EPG5: variants seen among roughly 807,000 people sequenced by gnomAD.
The protein encoded by EPG5 is ectopic P granules protein 5 homolog.
Under a neutral mutation model 302.7 loss-of-function variants are expected in EPG5, and 159 were observed. The observed-to-expected ratio is 0.53, with a 90% confidence interval of 0.46 to 0.60. The LOEUF is 0.60. EPG5 is among the 20% of genes least tolerant of loss of function. The probability of loss-of-function intolerance (pLI) is 0.00; values close to 1 mark genes in which losing one functional copy is unlikely to be tolerated. For synonymous variants in EPG5, 1,158 were observed against 1,136.8 expected, an observed-to-expected ratio of 1.02 and a Z score of -0.37; for missense variants, 2,896 against 3,092.4, an observed-to-expected ratio of 0.94 and a Z score of 1.51.
the EPG5 span, among the ~76,000 whole-genome samples, chr18:45,808,211 C>T: frequency 6.6e-6 from 1 of 152,112 alleles, no homozygotes; most frequent in Non-Finnish European, 1.5e-5. Context: ...TGAACAAAGC[C>T]TCCAAGCAGT....
At position 45,870,723 on chromosome 18, in the gene EPG5, A is replaced by G. The variant is rs372121696; in HGVS notation, c.6069T>C (p.Asp2023=). 32 of 1,609,336 alleles carry G rather than the reference A, an allele frequency of 2.0e-5. No individual in the cohort carries two copies. The African/African-American group carries it at 4.2e-4, about 21-fold the overall frequency. ...ESFKDKLLPG[D]AGALWLHLMH... Reference sequence around the variant, plus strand: ...TCAGGTGCAACCAAAGGGCTCCTGCATCACCTGGCAACAGCTTATCTAGAA... The same window carrying G: ...TCAGGTGCAACCAAAGGGCTCCTGCGTCACCTGGCAACAGCTTATCTAGAA... Residue 2023 remains aspartate, a synonymous_variant, in exon 36 of 44, where the codon GAT becomes GAC. Transcript: ENST00000282041.
chr18:45,933,749 T>C (rs981862942), intron 11 of EPG5, among the ~76,000 whole-genome samples: 6 of 152,092 alleles, frequency 3.9e-5, no homozygotes, highest in Non-Finnish European at 8.8e-5. Context: ...AGAGGCCCAA[T>C]AATTTTTAAA....
the EPG5 span, among the ~76,000 whole-genome samples, chr18:45,806,570 AC>A: frequency 1.5e-4 from 22 of 148,182 alleles, 1 homozygote; most frequent in East Asian, 3.8e-3. Context: ...ACACCTCCCC[AC>A]CCCCACACCC....
intron 11 of EPG5, among the ~76,000 whole-genome samples, chr18:45,934,031 T>C (rs924363372): frequency 2.0e-5 from 3 of 152,134 alleles, no homozygotes; most frequent in Admixed American, 2.0e-4. Context: ...GGCTCACGCC[T>C]GTAATCACAG....
At position 45,865,703 on chromosome 18, in the gene EPG5, G is replaced by C; in HGVS notation, c.6678C>G (p.Thr2226=). ...AGGTGATTTTTCCATTTTGTTCCAG[G>C]GTGCTGAGGAATTGAACCATCTGAT... is the stretch of plus-strand genomic sequence containing the variant. The part of the protein sequence containing the change: ...FTHQMVQFLS[T]LEQNGKITLA... The change falls in exon 39 of 44, where the codon ACC becomes ACG. Residue 2226 remains threonine (T), a synonymous_variant. Transcript: ENST00000282041. The C allele has an allele frequency of 6.2e-7, 1 of 1,613,412 alleles. No individual in the cohort carries two copies. The highest frequency in any genetic ancestry group is 8.5e-7 in the Non-Finnish European group (1 of 1,179,922).
chr18:45,959,657 T>C (rs1168046317), intron 1 of EPG5, among the ~76,000 whole-genome samples: 1 of 95,750 alleles, frequency 1.0e-5, no homozygotes, highest in Non-Finnish European at 2.2e-5. Flanking sequence ...CGAGACTGTC[T>C]CTAAATAAAT....
chr18:45,956,371 G>C (rs896794336), intron 1 of EPG5, among the ~76,000 whole-genome samples: 1 of 152,124 alleles, frequency 6.6e-6, no homozygotes, highest in Non-Finnish European at 1.5e-5. Context: ...ATTAGAAAAA[G>C]GACATTAATG....
At chr18:45,881,752 G>C (rs1032624335) in intron 31 of EPG5, among the ~76,000 whole-genome samples, 4 of 152,150 alleles carry the variant, frequency 2.6e-5, no homozygotes, top group African/African-American at 9.7e-5. Context: ...TGTGGAGATT[G>C]TAATGCTGCT....
chr18:45,875,780 C>T (rs888296387), intron 35 of EPG5, among the ~76,000 whole-genome samples: 6 of 152,140 alleles, frequency 3.9e-5, no homozygotes, highest in African/African-American at 1.4e-4. Context: ...AAAGGCCGGG[C>T]GTGGTGGCTC....
downstream of EPG5, among the ~76,000 whole-genome samples, chr18:45,844,885 G>T (rs1476747534): frequency 6.6e-6 from 1 of 152,164 alleles, no homozygotes; most frequent in Non-Finnish European, 1.5e-5. Context: ...GGTCTTTGAG[G>T]CCAGTTTCAC....
chr18:45,882,245 G>T, intron 31 of EPG5, 29 bp downstream of exon 31: 1 of 1,520,900 alleles, frequency 6.6e-7, no homozygotes, highest in Non-Finnish European at 9.1e-7. Context: ...CTAAGATCTA[G>T]TTAGTTACAA....
chr18:45,878,352 T>C (rs1287983380), intron 34 of EPG5, 24 bp downstream of exon 34: 5 of 1,507,676 alleles, frequency 3.3e-6, no homozygotes, highest in Non-Finnish European at 3.7e-6. Flanking sequence ...TCAAAGGAAT[T>C]TGAATATCTA....
Position 45,929,007 on chromosome 18 carries a change from T to C in EPG5, c.2415A>G (p.Val805=), listed in dbSNP as rs2050340146. ...IKIIVLEIYE[V]SYVTLSTRET... is the part of the protein sequence containing the mutation. ...CTCTGGTAGACAAGGTGACATAAGA[T>C]ACCTAAATGGGGGGAAGGGGGAAGA... Residue 805 remains valine (V), a splice_region_variant and synonymous_variant, in exon 13 of 44, where the codon GTA becomes GTG. Transcript: ENST00000282041. 2 of 1,613,610 alleles carry C rather than the reference T, an allele frequency of 1.2e-6. No individual in the cohort carries two copies. Among genetic ancestry groups the C allele is most frequent in the African/African-American group, 2.7e-5 (2 of 75,026 alleles).
At chr18:45,966,830 G>A (rs561101347) in intron 1 of EPG5, among the ~76,000 whole-genome samples, 64 of 152,162 alleles carry the variant, frequency 4.2e-4, no homozygotes, top group African/African-American at 1.5e-3. Flanking sequence ...GGATATAAAA[G>A]AGTAAAGAGA....
intron 39 of EPG5, among the ~76,000 whole-genome samples, chr18:45,864,568 A>G (rs2145246255): frequency 6.6e-6 from 1 of 152,148 alleles, no homozygotes; most frequent in Non-Finnish European, 1.5e-5. Context: ...GTTTTCTATT[A>G]CTTTGCTCAT....
At position 45,882,292 on chromosome 18, in the gene EPG5, G is replaced by T. The variant is rs2049113990; in HGVS notation, c.5500C>A (p.Leu1834Ile). 1 of 1,613,948 alleles carries T rather than the reference G, an allele frequency of 6.2e-7. No homozygotes were observed. Among genetic ancestry groups the T allele is most frequent in the Non-Finnish European group, 8.5e-7 (1 of 1,179,822 alleles). The change falls in exon 31 of 44, where the codon CTC becomes ATC. Residue 1834 changes from leucine to isoleucine, a missense_variant. Around this residue, in one of 5 missense-constraint regions of EPG5, gnomAD observed 790 missense variants for 798.0 expected, o/e 0.99. Transcript: ENST00000282041. The part of the protein sequence containing the change: ...YQFPDQYSDI[L>I]RLLMQSSAEQ... ...CACTTACTTTGCATAAGCAGCCTGA[G>T]AATGTCACTGTACTGGTCAGGAAAC...
At position 45,903,964 on chromosome 18, in the gene EPG5, A is replaced by T; in HGVS notation, c.4474+9T>A. ...CTCATTCGAAGGGGCAGGTGCTCCC[A>T]GGACCCACCCAGCAAAGGATCAGTG... On this transcript the variant is annotated intron_variant, in intron 25 of 43. Transcript: ENST00000282041. The T allele has an allele frequency of 6.2e-7, 1 of 1,603,866 alleles. No homozygotes were observed. Among genetic ancestry groups the T allele is most frequent in the Non-Finnish European group, 8.5e-7 (1 of 1,177,792 alleles).
intron 1 of EPG5, among the ~76,000 whole-genome samples, chr18:45,959,377 C>A (rs556241445): frequency 2.6e-4 from 39 of 151,824 alleles, no homozygotes; most frequent in African/African-American, 9.4e-4. Context: ...CAGGCATGGG[C>A]GGCTCACACC....
intron 27 of EPG5, among the ~76,000 whole-genome samples, chr18:45,896,569 G>A (rs547846225): frequency 6.6e-6 from 1 of 151,582 alleles, no homozygotes; most frequent in South Asian, 2.1e-4. Flanking sequence ...TCTTGAGACA[G>A]GGTCTCACTC....
Sources: gnomAD v4.1 joint callset for allele counts (sites outside exome capture counted in the v4.1 genomes callset) on GRCh38, gnomAD v4.1.1 for gene constraint, gnomAD v4.1.1 regional missense constraint, MANE v1.5 for transcripts, NCBI Gene and HGNC (gene_info 2026-07-23, HGNC 2026-07-21) for gene names.